Variants in MORN1 observed in about 807,000 individuals in gnomAD.
The protein encoded by MORN1 is MORN repeat containing 1.
In MORN1, 67 loss-of-function variants were observed where a neutral mutation model predicts 61.9. The observed-to-expected ratio is 1.08, with a 90% CI of 0.89 to 1.33. The LOEUF is 1.33. Ranked by LOEUF, MORN1 falls within the 40% of genes most tolerant of loss-of-function variation. MORN1 has a pLI of 0.00. For missense variants in MORN1, 752 were observed against 691.2 expected (o/e 1.09, Z -0.99); for synonymous variants, 301 against 292.0 (o/e 1.03, Z -0.31).
chr1:2,379,686 A>G (rs1462998803), intron 6 of MORN1, among the ~76,000 whole-genome samples: 1 of 152,212 alleles, frequency 6.6e-6, no homozygotes, highest in African/African-American at 2.4e-5. Context: ...AATTGTGGTT[A>G]TTGTTAAGAG....
intron 10 of MORN1, among the ~76,000 whole-genome samples, chr1:2,343,864 A>C (rs1420787747): frequency 6.6e-6 from 1 of 152,116 alleles, no homozygotes. Context: ...CCACGGCCCC[A>C]TTCTTCCGGA....
chr1:2,339,234 G>C (rs554935144), intron 10 of MORN1, among the ~76,000 whole-genome samples: 1 of 152,326 alleles, frequency 6.6e-6, no homozygotes, highest in South Asian at 2.1e-4. Flanking sequence ...ATCTGGACCA[G>C]GAGCCCACAC....
At chr1:2,374,756 T>C in intron 6 of MORN1, 199 bp from the exon 7 acceptor site, 1 of 554,122 alleles carries the variant, frequency 1.8e-6, no homozygotes, top group Non-Finnish European at 3.2e-6. Flanking sequence ...CCAATTTGCT[T>C]TGCAAAATAT....
intron 10 of MORN1, among the ~76,000 whole-genome samples, chr1:2,339,206 C>G (rs1416804665): frequency 6.6e-6 from 1 of 152,164 alleles, no homozygotes; most frequent in Non-Finnish European, 1.5e-5. Context: ...CTCAGAGGAG[C>G]CTTCTAGATC....
chr1:2,322,182 G>C (rs890182990), intron 13 of MORN1: 4 of 985,420 alleles, frequency 4.1e-6, no homozygotes, highest in Middle Eastern at 5.2e-4. Flanking sequence ...TCTGTAAACT[G>C]TCTGGAGAGC....
chr1:2,366,824 C>A (rs1642004147), intron 8 of MORN1, among the ~76,000 whole-genome samples: 1 of 152,146 alleles, frequency 6.6e-6, no homozygotes, highest in South Asian at 2.1e-4. Context: ...GTATGAGGCA[C>A]TGCACCCAGC....
At chr1:2,341,806 G>A (rs187893164) in intron 10 of MORN1, among the ~76,000 whole-genome samples, 2 of 152,304 alleles carry the variant, frequency 1.3e-5, no homozygotes, top group East Asian at 3.9e-4. Flanking sequence ...ACAGCGCAGC[G>A]CCCACCGTCA....
chr1:2,357,054 C>T lies in MORN1; in HGVS notation c.1036+378G>A, dbSNP rs79496861. Reference sequence around the variant, plus strand: ...CCGCGGCCCCCAGAGCCATGGCCGGCGGCTGCTGTGAGGGCTCCCGGGCGG... The same window carrying T: ...CCGCGGCCCCCAGAGCCATGGCCGGTGGCTGCTGTGAGGGCTCCCGGGCGG... On this transcript the variant is annotated intron_variant, in intron 10 of 13. Coordinates refer to ENST00000378531, the MANE Select transcript of MORN1 (RefSeq NM_024848.3). The surrounding 1 kb of genome is among the most constrained non-coding windows in gnomAD (Gnocchi z 6.3). Among the ~76,000 whole-genome samples, 2,097 of 152,212 alleles carry T rather than the reference C, an allele frequency of 0.014. 48 individuals are homozygous for T. Among genetic ancestry groups the T allele is most frequent in the African/African-American group, 0.046 (1,899 of 41,520 alleles).
At chr1:2,335,846 C>CCCAGCCCAGCCCGGCCCGGCCCGGCCCA (rs370659459) in intron 12 of MORN1, among the ~76,000 whole-genome samples, 1 of 149,930 alleles carries the variant, frequency 6.7e-6, no homozygotes, top group African/African-American at 2.5e-5. Flanking sequence ...CCCAGCCCAG[C>CCCAGCCCAGCCCGGCCCGGCCCGGCCCA]GCGCAGCTGC....
chr1:2,360,451 T>C (rs1036585669), intron 8 of MORN1, among the ~76,000 whole-genome samples: 2 of 152,148 alleles, frequency 1.3e-5, no homozygotes, highest in Non-Finnish European at 2.9e-5. Context: ...GACTCTATAA[T>C]TGCCCTGGCT....
At chr1:2,355,595 G>A (rs1383138495) in intron 10 of MORN1, 1 of 931,822 alleles carries the variant, frequency 1.1e-6, no homozygotes, top group African/African-American at 1.7e-5. Flanking sequence ...GGCGGCCAGG[G>A]GCATTCCGCT....
chr1:2,374,789 T>C (rs1642198433), intron 6 of MORN1: 4 of 496,482 alleles, frequency 8.1e-6, no homozygotes, highest in Non-Finnish European at 7.2e-6. Context: ...ATTTTAACGA[T>C]GCCAGGAGGT....
At chr1:2,329,481 C>T (rs1184472865) in intron 12 of MORN1, among the ~76,000 whole-genome samples, 1 of 152,190 alleles carries the variant, frequency 6.6e-6, no homozygotes, top group African/African-American at 2.4e-5. Context: ...CCTGGGAGTT[C>T]TCATCCCTGG....
intron 6 of MORN1, among the ~76,000 whole-genome samples, chr1:2,382,196 C>G (rs1388757578): frequency 6.6e-6 from 1 of 152,160 alleles, no homozygotes; most frequent in Non-Finnish European, 1.5e-5. Flanking sequence ...GGGGATGGCC[C>G]TGTCTGGCAG....
intron 6 of MORN1, among the ~76,000 whole-genome samples, chr1:2,381,832 C>T (rs1418450478): frequency 6.6e-6 from 1 of 152,216 alleles, no homozygotes; most frequent in Non-Finnish European, 1.5e-5. Context: ...AAACTCATGG[C>T]TTGGGAATAA....
At chr1:2,381,216 G>C (rs1557891806) in intron 6 of MORN1, among the ~76,000 whole-genome samples, 1 of 152,270 alleles carries the variant, frequency 6.6e-6, no homozygotes, top group Non-Finnish European at 1.5e-5. Context: ...TGCTGCGTGG[G>C]AGGCGGCCCC....
chr1:2,351,943 T>C (rs755761953), intron 10 of MORN1: 1 of 520,296 alleles, frequency 1.9e-6, no homozygotes, highest in South Asian at 1.6e-5. Context: ...GGCCCACCAA[T>C]TGGGCTTCCC....
chr1:2,352,516 T>C (rs1157397958), intron 10 of MORN1: 1 of 152,376 alleles, frequency 6.6e-6, no homozygotes, highest in Non-Finnish European at 1.5e-5. Flanking sequence ...GGCAGGGCGT[T>C]GGGGAAGCCT....
chr1:2,371,246 G>A (rs1238523987), intron 8 of MORN1: 1 of 129,214 alleles, frequency 7.7e-6, no homozygotes, highest in Non-Finnish European at 1.7e-5. Context: ...ACAACACCAA[G>A]AAGAAAGATC....
Sources: gnomAD v4.1 joint callset for allele counts (sites outside exome capture counted in the v4.1 genomes callset) on GRCh38, gnomAD v4.1.1 for gene constraint, Gnocchi (gnomAD v3.1) non-coding constraint, MANE v1.5 for transcripts, NCBI Gene and HGNC (gene_info 2026-07-23, HGNC 2026-07-21) for gene names.